Variants in SEMA3D observed in about 807,000 individuals in gnomAD.
The protein encoded by SEMA3D is semaphorin-3D.
A neutral mutation model predicts 100.1 loss-of-function variants in SEMA3D; 84 were observed. The observed-to-expected ratio is 0.84, with a 90% CI of 0.70 to 1.01. The LOEUF (loss-of-function observed/expected upper bound fraction) is 1.01, where lower values mean the gene tolerates loss of function less well. Ranked by LOEUF, SEMA3D falls within the 50% of genes least tolerant of loss-of-function variation. The pLI, the probability that SEMA3D is intolerant of heterozygous loss-of-function variation, is 0.00. For missense variants in SEMA3D, 875 were observed against 934.1 expected (o/e 0.94, Z 0.82); for synonymous variants, 312 against 320.7 (o/e 0.97, Z 0.29).
intron 1 of SEMA3D, among the ~76,000 whole-genome samples, chr7:85,179,723 G>A (rs1398956640): frequency 1.3e-5 from 2 of 150,514 alleles, no homozygotes; most frequent in Admixed American, 6.6e-5. Context: ...CTGCAGTGGT[G>A]CTATCTCGGC....
chr7:85,207,175 A>C, the SEMA3D span, among the ~76,000 whole-genome samples: 2 of 152,074 alleles, frequency 1.3e-5, no homozygotes, highest in African/African-American at 4.8e-5. Context: ...TATATTTAGA[A>C]AGTGGTTAAT....
At chr7:85,233,517 G>C in the SEMA3D span, among the ~76,000 whole-genome samples, 93 of 152,334 alleles carry the variant, frequency 6.1e-4, no homozygotes, top group African/African-American at 2.0e-3. Flanking sequence ...CAGAGCAGAA[G>C]ATGAGTAGAC....
At chr7:85,213,838 A>G in the SEMA3D span, among the ~76,000 whole-genome samples, 1 of 152,016 alleles carries the variant, frequency 6.6e-6, no homozygotes, top group Admixed American at 6.6e-5. Flanking sequence ...TTTGTGCATT[A>G]TTATGCTAAA....
At chr7:85,095,758 A>C (rs181957548) in intron 4 of SEMA3D, among the ~76,000 whole-genome samples, 50 of 152,154 alleles carry the variant, frequency 3.3e-4, no homozygotes, top group Admixed American at 5.9e-4. Context: ...GATATAAAGA[A>C]ATATCAGTTA....
intron 2 of SEMA3D, among the ~76,000 whole-genome samples, chr7:85,129,673 T>G (rs1789669482): frequency 6.6e-6 from 1 of 152,130 alleles, no homozygotes; most frequent in Non-Finnish European, 1.5e-5. Context: ...ATTTTAAGGT[T>G]GTAACTACTG....
intron 4 of SEMA3D, among the ~76,000 whole-genome samples, chr7:85,088,176 T>G (rs1243130312): frequency 6.6e-6 from 1 of 152,172 alleles, no homozygotes; most frequent in Non-Finnish European, 1.5e-5. Context: ...ACTTATCTTT[T>G]AGTAAGGTGA....
chr7:85,008,959 T>C (rs1426712448), intron 17 of SEMA3D, among the ~76,000 whole-genome samples: 2 of 151,760 alleles, frequency 1.3e-5, no homozygotes, highest in East Asian at 1.9e-4. Flanking sequence ...TTGGGTCCTA[T>C]TCCAAGATAT....
chr7:85,114,777 G>A (rs1789190828), intron 3 of SEMA3D, among the ~76,000 whole-genome samples: 1 of 152,186 alleles, frequency 6.6e-6, no homozygotes, highest in South Asian at 2.1e-4. Flanking sequence ...AAGAATAAGG[G>A]CTGAGATGAA....
At chr7:85,030,277 A>G (rs1049812852) in intron 12 of SEMA3D, among the ~76,000 whole-genome samples, 4 of 151,532 alleles carry the variant, frequency 2.6e-5, no homozygotes, top group Non-Finnish European at 4.4e-5. Context: ...ATTAATAAAA[A>G]TTATCATGCA....
At chr7:85,163,696 G>T (rs1269780074) in intron 1 of SEMA3D, among the ~76,000 whole-genome samples, 1 of 152,064 alleles carries the variant, frequency 6.6e-6, no homozygotes, top group Non-Finnish European at 1.5e-5. Flanking sequence ...ATTTCTGAAA[G>T]ACCCAATTCA....
chr7:85,054,101 T>C (rs1177268580), intron 9 of SEMA3D, among the ~76,000 whole-genome samples: 6 of 152,184 alleles, frequency 3.9e-5, no homozygotes, highest in Admixed American at 3.9e-4. Context: ...AGATTTTTCT[T>C]TAATACACTC....
At chr7:85,037,630 C>T (rs1295570785) in intron 11 of SEMA3D, among the ~76,000 whole-genome samples, 1 of 151,938 alleles carries the variant, frequency 6.6e-6, no homozygotes, top group Admixed American at 6.6e-5. Context: ...AATGTTGAAA[C>T]AATCTTTTTC....
chr7:85,230,898 A>G, the SEMA3D span, among the ~76,000 whole-genome samples: 1 of 152,162 alleles, frequency 6.6e-6, no homozygotes, highest in Admixed American at 6.5e-5. Context: ...CTTGCCTTTC[A>G]TACTCAGTTG....
chr7:85,188,302 G>GCC (rs1791617236), upstream of SEMA3D, among the ~76,000 whole-genome samples: 1 of 152,142 alleles, frequency 6.6e-6, no homozygotes, highest in Non-Finnish European at 1.5e-5. Flanking sequence ...GTCTCATGCT[G>GCC]CCCCATCTCT....
chr7:85,036,979 T>C lies in SEMA3D; in HGVS notation c.1101A>G (p.Ala367=), dbSNP rs747768203. 1.9e-6 allele frequency: 3 copies of C among 1,613,348 alleles called. No individual in the cohort carries two copies. The highest frequency in any genetic ancestry group is 2.5e-6 in the Non-Finnish European group (3 of 1,179,598). ...TATGAGCATATGGACCATTAAAAAC[T>C]GCTCTGATGTCAGCCATGCTATACA... ...VCVYSMADIR[A]VFNGPYAHKE... is the part of the protein sequence containing the mutation. The change falls in exon 12 of 19, where the codon GCA becomes GCG. Residue 367 remains alanine (A), a synonymous_variant. Coordinates refer to ENST00000284136, the MANE Select transcript of SEMA3D (RefSeq NM_001384900.1).
the SEMA3D span, among the ~76,000 whole-genome samples, chr7:85,215,641 A>C: frequency 6.6e-6 from 1 of 152,106 alleles, no homozygotes; most frequent in African/African-American, 2.4e-5. Flanking sequence ...GTTTCTGCGG[A>C]TTATAACTAC....
At chr7:85,179,267 C>A (rs1246788712) in intron 1 of SEMA3D, among the ~76,000 whole-genome samples, 1 of 152,110 alleles carries the variant, frequency 6.6e-6, no homozygotes, top group Admixed American at 6.5e-5. Flanking sequence ...AATGGTAGAT[C>A]CACTGACAGC....
At chr7:85,165,382 T>C (rs2116529853) in intron 1 of SEMA3D, among the ~76,000 whole-genome samples, 1 of 152,120 alleles carries the variant, frequency 6.6e-6, no homozygotes, top group African/African-American at 2.4e-5. Flanking sequence ...ATAGATAATG[T>C]TTCAATAGAC....
At chr7:85,138,655 A>ATATATATATAAATAT in intron 2 of SEMA3D, among the ~76,000 whole-genome samples, 1 of 144,256 alleles carries the variant, frequency 6.9e-6, no homozygotes, top group Non-Finnish European at 1.5e-5. Flanking sequence ...TATTTAATTT[A>ATATATATATAAATAT]ATATATATAT....
Sources: allele counts gnomAD v4.1 joint callset (sites outside exome capture counted in the v4.1 genomes callset), GRCh38; gene constraint gnomAD v4.1.1; transcripts MANE v1.5; gene names NCBI Gene and HGNC (gene_info 2026-07-23, HGNC 2026-07-21).